Variants in MT1H observed in about 807,000 individuals in gnomAD.
MT1H encodes the protein metallothionein 1H.
A neutral mutation model predicts 8.7 loss-of-function variants in MT1H; 8 were observed. That is an observed-to-expected ratio of 0.92 (90% CI 0.54 to 1.66). MT1H has a LOEUF of 1.66. Ranked by LOEUF, MT1H falls within the 40% of genes most tolerant of loss-of-function variation. The probability of loss-of-function intolerance (pLI) is 0.00; values close to 1 mark genes in which losing one functional copy is unlikely to be tolerated. For synonymous variants in MT1H, 32 were observed against 28.9 expected (o/e 1.11, Z -0.34); for missense variants, 84 against 75.2 (o/e 1.12, Z -0.43).
Position 56,670,586 on chromosome 16 carries a change from A to G in MT1H, c.94+15A>G, listed in dbSNP as rs1196019044. 1.2e-5 allele frequency: 19 copies of G among 1,614,114 alleles called. No individual in the cohort carries two copies. In the East Asian group the frequency reaches 4.2e-4, roughly 36 times the overall value. On this transcript the variant is annotated intron_variant, in intron 2 of 2. Transcript: ENST00000332374. ...CTGCAAGAAGAGTGAGTGCGGGGCC[A>G]TCTCCAGGAATCTGGGGCTGTGGCT...
intron 2 of MT1H, 125 bp from the exon 3 acceptor site, chr16:56,670,773 A>C (rs769754504): frequency 2.6e-6 from 4 of 1,530,606 alleles, no homozygotes; most frequent in Non-Finnish European, 3.6e-6. Context: ...GTCTCCTGAA[A>C]AAGCTGTGCC....
Position 56,671,116 on chromosome 16 carries a change from A to C in MT1H, c.*127A>C. On this transcript the variant is annotated 3_prime_UTR_variant, in exon 3 of 3. Transcript: ENST00000332374. ...TGTGAAATATGTGAATAATAATTAA[A>C]CACTTAGACTTGATTCCCGTTCTGG... 1 of 1,301,698 alleles carries C rather than the reference A, an allele frequency of 7.7e-7. No homozygotes were observed. The highest frequency in any genetic ancestry group is 1.0e-6 in the Non-Finnish European group (1 of 960,492). 80.6% of individuals were successfully genotyped at this position (1,301,698 alleles called of 1,614,324 possible).
At position 56,671,031 on chromosome 16, in the gene MT1H, G is replaced by A. The variant is rs367887358; in HGVS notation, c.*42G>A. ...CTGTCAGATGAAAACAGAATGACAC[G>A]TAAAATCCAGGATTTTTTTTTTCTA... On this transcript the variant is annotated 3_prime_UTR_variant, in exon 3 of 3. Coordinates refer to ENST00000332374, the MANE Select transcript of MT1H (RefSeq NM_005951.2). 327 of 1,586,806 alleles carry A rather than the reference G, an allele frequency of 2.1e-4. No homozygotes were observed. Among genetic ancestry groups the A allele is most frequent in the Non-Finnish European group, 2.5e-4 (296 of 1,171,220 alleles).
Position 56,671,003 on chromosome 16 carries a change from C to G in MT1H, c.*14C>G, listed in dbSNP as rs1172890812. On this transcript the variant is annotated 3_prime_UTR_variant, in exon 3 of 3. Coordinates refer to ENST00000332374, the MANE Select transcript of MT1H (RefSeq NM_005951.2). ...TGCTGTGCCTGATGTCGGGACAGCC[C>G]TGCTGTCAGATGAAAACAGAATGAC... is the stretch of plus-strand genomic sequence containing the variant. 3.7e-6 allele frequency: 6 copies of G among 1,610,636 alleles called. No individual in the cohort carries two copies. The highest frequency in any genetic ancestry group is 3.3e-4 in the Middle Eastern group (2 of 6,070).
chr16:56,669,856 T>TA lies in MT1H; in HGVS notation c.-29_-28insA. 6.2e-7 allele frequency: 1 copy of TA among 1,614,092 alleles called. No homozygotes were observed. The highest frequency in any genetic ancestry group is 8.5e-7 in the Non-Finnish European group (1 of 1,180,002). ...TTCCACTGCCTCTTCTCTTCTCGCT[T>TA]GGGAACTCCAGTCTCACCTCGGCTT... On this transcript the variant is annotated 5_prime_UTR_variant, in exon 1 of 3. Coordinates refer to ENST00000332374, the MANE Select transcript of MT1H (RefSeq NM_005951.2).
At chr16:56,670,603 G>A in intron 2 of MT1H, 32 bp downstream of exon 2, 1 of 1,614,116 alleles carries the variant, frequency 6.2e-7, no homozygotes, top group East Asian at 2.2e-5. Flanking sequence ...GGAATCTGGG[G>A]CTGTGGCTAA....
chr16:56,670,725 GTC>G, intron 2 of MT1H, 154 bp downstream of exon 2: 2 of 1,514,792 alleles, frequency 1.3e-6, no homozygotes, highest in Non-Finnish European at 1.8e-6. Context: ...GGGCTGGGCA[GTC>G]TCTCATAGGA....
chr16:56,670,869 CTG>C (rs1187633241), intron 2 of MT1H, 27 bp from the exon 3 acceptor site: 1 of 1,613,584 alleles, frequency 6.2e-7, no homozygotes, highest in Admixed American at 1.7e-5. Flanking sequence ...GTCAAGTCTG[CTG>C]TGACTTCTCT....
Position 56,670,921 on chromosome 16 carries a change from G to A in MT1H, c.118G>A (p.Gly40Ser). 6.2e-7 allele frequency: 1 copy of A among 1,614,226 alleles called. No homozygotes were observed. Among genetic ancestry groups the A allele is most frequent in the Non-Finnish European group, 8.5e-7 (1 of 1,180,052 alleles). The change falls in exon 3 of 3, where the codon GGC becomes AGC. Residue 40 changes from glycine (G) to serine (S), a missense_variant. Coordinates refer to ENST00000332374, the MANE Select transcript of MT1H (RefSeq NM_005951.2). The part of the protein sequence containing the change: ...KKSCCSCCPL[G>S]CAKCAQGCIC... The stretch of plus-strand genomic sequence containing the variant: ...AGGCTGCTGCTCCTGTTGCCCCCTG[G>A]GCTGTGCCAAGTGTGCCCAGGGCTG...
intron 2 of MT1H, 119 bp downstream of exon 2, chr16:56,670,690 T>C: frequency 6.3e-7 from 1 of 1,579,764 alleles, no homozygotes; most frequent in Non-Finnish European, 8.7e-7. Context: ...CTTTCCAGTC[T>C]TCTGCTCTGT....
intron 1 of MT1H, 109 bp from the exon 2 acceptor site, chr16:56,670,397 C>T (rs1255112840): frequency 4.6e-6 from 7 of 1,510,868 alleles, no homozygotes; most frequent in Middle Eastern, 1.8e-4. Flanking sequence ...GGGAAAGGAG[C>T]TCTGACGGCT....
chr16:56,670,465 C>T lies in MT1H; in HGVS notation c.29-41C>T, dbSNP rs1220689446. 5.6e-6 allele frequency: 9 copies of T among 1,613,956 alleles called. No homozygotes were observed. In the Admixed American group the frequency reaches 1.5e-4, roughly 27 times the overall value. ...CATTGACCCACTGCTGTAACTTCTG[C>T]ATCTCACTCACAACACACTGGCTTT... On this transcript the variant is annotated intron_variant, in intron 1 of 2. Coordinates refer to ENST00000332374, the MANE Select transcript of MT1H (RefSeq NM_005951.2).
At chr16:56,670,047 C>G (rs1185186456) in intron 1 of MT1H, 135 bp downstream of exon 1, 8 of 1,250,124 alleles carry the variant, frequency 6.4e-6, no homozygotes, top group Admixed American at 6.2e-5. Flanking sequence ...CTGCTTTCCT[C>G]TTGGCCAAGC....
rs938194285 is a variant in MT1H, at chr16:56,670,701, C to T, written c.94+130C>T. The T allele has an allele frequency of 2.6e-6, 4 of 1,559,864 alleles. No individual in the cohort carries two copies. The African/African-American group carries it at 4.1e-5, about 16-fold the overall frequency. The stretch of plus-strand genomic sequence containing the variant: ...CTGCCTTTCCAGTCTTCTGCTCTGT[C>T]CAGGGCTCCTGTGGGGCTGGGCAGT... On this transcript the variant is annotated intron_variant, in intron 2 of 2. Coordinates refer to ENST00000332374, the MANE Select transcript of MT1H (RefSeq NM_005951.2).
In MT1H at chr16:56,670,910, G is replaced by A. The variant is rs140758293; in HGVS notation, c.107G>A (p.Cys36Tyr). Residue 36 changes from cysteine (C) to tyrosine (Y), a missense_variant, in exon 3 of 3, where the codon TGT becomes TAT. Coordinates refer to ENST00000332374, the MANE Select transcript of MT1H (RefSeq NM_005951.2). ...CCTTTTTCCCCAGGCTGCTGCTCCT[G>A]TTGCCCCCTGGGCTGTGCCAAGTGT... The part of the protein sequence containing the change: ...CTSCKKSCCS[C>Y]CPLGCAKCAQ... The A allele has an allele frequency of 3.1e-5, 50 of 1,614,180 alleles. No homozygotes were observed. The South Asian group carries it at 4.9e-4, about 16-fold the overall frequency.
chr16:56,670,596 A>G, intron 2 of MT1H, 25 bp downstream of exon 2: 1 of 1,614,182 alleles, frequency 6.2e-7, no homozygotes, highest in Non-Finnish European at 8.5e-7. Context: ...ATCTCCAGGA[A>G]TCTGGGGCTG....
At chr16:56,670,322 C>T (rs537062806) in intron 1 of MT1H, among the ~76,000 whole-genome samples, 184 bp from the exon 2 acceptor site, 19 of 152,228 alleles carry the variant, frequency 1.2e-4, no homozygotes, top group Admixed American at 5.9e-4. Context: ...GGAATACAAA[C>T]GGAGGGTGCT....
chr16:56,670,426 G>A (rs1181006514), intron 1 of MT1H, 80 bp from the exon 2 acceptor site: 10 of 1,597,022 alleles, frequency 6.3e-6, no homozygotes, highest in Non-Finnish European at 7.7e-6. Context: ...ACAGAGAAGG[G>A]GGAAGTGGAC....
chr16:56,670,652 T>C (rs1960859263), intron 2 of MT1H, 81 bp downstream of exon 2: 4 of 1,611,940 alleles, frequency 2.5e-6, no homozygotes, highest in Middle Eastern at 3.3e-4. Context: ...GAGTGCCTGC[T>C]TCCTTTGTCC....
Sources: gnomAD v4.1 joint callset for allele counts (sites outside exome capture counted in the v4.1 genomes callset) on GRCh38, gnomAD v4.1.1 for gene constraint, MANE v1.5 for transcripts, NCBI Gene and HGNC (gene_info 2026-07-23, HGNC 2026-07-21) for gene names.